LRP5: variants seen among roughly 807,000 people sequenced by gnomAD.
The protein encoded by LRP5 is low-density lipoprotein receptor-related protein 5.
Under a neutral mutation model 154.1 loss-of-function variants are expected in LRP5, and 62 were observed. The ratio of observed to expected loss-of-function variants is 0.40; its 90% confidence interval spans 0.33 to 0.50. The LOEUF is 0.50. Among genes scored for constraint, LRP5 ranks in the 20% least tolerant of loss-of-function variants. The pLI, the probability that LRP5 is intolerant of heterozygous loss-of-function variation, is 0.55. For missense variants in LRP5, 1,915 were observed against 2,336.7 expected, an observed-to-expected ratio of 0.82 and a Z score of 3.72; for synonymous variants, 966 against 1,011.5, an observed-to-expected ratio of 0.96 and a Z score of 0.85.
At chr11:68,324,231 G>A (rs1023604584) in intron 1 of LRP5, among the ~76,000 whole-genome samples, 11 of 152,260 alleles carry the variant, frequency 7.2e-5, no homozygotes, top group African/African-American at 2.4e-4. Context: ...GGCTGCGGGC[G>A]GAACAGCAGG....
At position 68,347,858 on chromosome 11, in the gene LRP5, C is replaced by T; in HGVS notation, c.103C>T (p.Leu35=). ...CTTCTGCCCCACAGCCTCGCCGCTC[C>T]TGCTATTTGCCAACCGCCGGGACGT... ...CPAPAAASPL[L]LFANRRDVRL... The change falls in exon 2 of 23, where the codon CTG becomes TTG. Residue 35 remains leucine (L), a synonymous_variant. Transcript: ENST00000294304. 1 of 1,613,506 alleles carries T rather than the reference C, an allele frequency of 6.2e-7. No homozygotes were observed. Among genetic ancestry groups the T allele is most frequent in the Non-Finnish European group, 8.5e-7 (1 of 1,180,012 alleles).
At chr11:68,340,061 C>T (rs537797057) in intron 1 of LRP5, among the ~76,000 whole-genome samples, 7 of 152,046 alleles carry the variant, frequency 4.6e-5, no homozygotes, top group African/African-American at 1.7e-4. Context: ...ACCAACATGG[C>T]AAAACCCCGT....
chr11:68,433,147 C>T (rs2098672892), intron 17 of LRP5, among the ~76,000 whole-genome samples: 1 of 152,216 alleles, frequency 6.6e-6, no homozygotes, highest in South Asian at 2.1e-4. Flanking sequence ...TGGCTGCTGA[C>T]CACCTGCTTT....
At chr11:68,354,926 G>A (rs779548487) in intron 2 of LRP5, among the ~76,000 whole-genome samples, 1 of 152,192 alleles carries the variant, frequency 6.6e-6, no homozygotes, top group Admixed American at 6.5e-5. Context: ...CTGTCCCCAC[G>A]GGGCCGGAGG....
At chr11:68,391,118 G>A (rs1204558733) in intron 7 of LRP5, among the ~76,000 whole-genome samples, 6 of 152,088 alleles carry the variant, frequency 3.9e-5, no homozygotes, top group African/African-American at 7.2e-5. Context: ...ACAAGTGCCC[G>A]CCACCACGCC....
Position 68,439,901 on chromosome 11 carries a change from C to T in LRP5, c.4473C>T (p.Ala1491=). 27 of 1,527,500 alleles carry T rather than the reference C, an allele frequency of 1.8e-5. No homozygotes were observed. The highest frequency in any genetic ancestry group is 2.4e-5 in the Non-Finnish European group (27 of 1,139,080). 94.6% of individuals were successfully genotyped at this position (1,527,500 alleles called of 1,614,324 possible). A position where few individuals can be genotyped will look rare whatever the true frequency, so the allele number is the denominator to read the frequency against. The change falls in exon 21 of 23, where the codon GCC becomes GCT. Residue 1491 remains alanine, a synonymous_variant. Coordinates refer to ENST00000294304, the MANE Select transcript of LRP5 (RefSeq NM_002335.4). Reference sequence around the variant, plus strand: ...CCAGCAGCTCGTCCAGCACGAAGGCCACGCTGTACCCGCCGGTGAGGGGCG... The same window carrying T: ...CCAGCAGCTCGTCCAGCACGAAGGCTACGCTGTACCCGCCGGTGAGGGGCG... ...ASSSSSSSTK[A]TLYPPILNPP... is the part of the protein sequence containing the mutation.
chr11:68,365,234 T>C (rs534867899), intron 4 of LRP5, among the ~76,000 whole-genome samples: 2 of 148,194 alleles, frequency 1.3e-5, no homozygotes, highest in East Asian at 4.0e-4. Flanking sequence ...CTGGGGAGGG[T>C]GTTCTAGTCA....
intron 6 of LRP5, among the ~76,000 whole-genome samples, chr11:68,387,658 C>T (rs1479036483): frequency 2.0e-5 from 3 of 152,172 alleles, no homozygotes; most frequent in Non-Finnish European, 4.4e-5. Flanking sequence ...CCCGCCCCAG[C>T]GGCTCAGAGG....
At chr11:68,363,581 C>T (rs1163837286) in intron 3 of LRP5, among the ~76,000 whole-genome samples, 166 bp from the exon 4 acceptor site, 2 of 151,664 alleles carry the variant, frequency 1.3e-5, no homozygotes, top group Non-Finnish European at 2.9e-5. Flanking sequence ...TGCTTGAACC[C>T]GGGAGGCGGA....
chr11:68,310,724 C>T (rs2098587173), upstream of LRP5, among the ~76,000 whole-genome samples: 1 of 145,098 alleles, frequency 6.9e-6, no homozygotes, highest in South Asian at 2.2e-4. Context: ...CACTACACTC[C>T]AGCCTGGGCC....
intron 1 of LRP5, among the ~76,000 whole-genome samples, chr11:68,324,714 C>T (rs1477317999): frequency 6.6e-6 from 1 of 152,260 alleles, no homozygotes; most frequent in Admixed American, 6.5e-5. Flanking sequence ...TGCCCACTGG[C>T]AGAGCAGAGG....
chr11:68,327,502 C>T (rs2098600402), intron 1 of LRP5, among the ~76,000 whole-genome samples: 1 of 151,896 alleles, frequency 6.6e-6, no homozygotes, highest in African/African-American at 2.4e-5. Context: ...CCTTAGGCAG[C>T]ATGAAAACAA....
chr11:68,448,495 A>C (rs2098682640), intron 22 of LRP5, among the ~76,000 whole-genome samples: 1 of 152,238 alleles, frequency 6.6e-6, no homozygotes, highest in Non-Finnish European at 1.5e-5. Flanking sequence ...CGAAGAGGTC[A>C]AGTAAGTTCC....
chr11:68,310,119 A>G (rs758929513), upstream of LRP5, among the ~76,000 whole-genome samples: 1 of 152,222 alleles, frequency 6.6e-6, no homozygotes, highest in Non-Finnish European at 1.5e-5. Context: ...TGATGAGTAC[A>G]AAGGAGAAAA....
At chr11:68,317,821 G>A (rs932402103) in intron 1 of LRP5, among the ~76,000 whole-genome samples, 1 of 152,090 alleles carries the variant, frequency 6.6e-6, no homozygotes, top group Non-Finnish European at 1.5e-5. Flanking sequence ...TCTCTCAGTG[G>A]CAAGAGCCTT....
At chr11:68,398,693 T>C (rs1270546040) in intron 7 of LRP5, among the ~76,000 whole-genome samples, 1 of 151,018 alleles carries the variant, frequency 6.6e-6, no homozygotes, top group East Asian at 1.9e-4. Context: ...GAAAATTATA[T>C]GGAATTCAAA....
the LRP5 span, among the ~76,000 whole-genome samples, chr11:68,306,729 T>C: frequency 3.3e-5 from 5 of 152,228 alleles, no homozygotes; most frequent in African/African-American, 4.8e-5. Flanking sequence ...CCAGACTACT[T>C]AGTTTTATTT....
chr11:68,426,202 G>A lies in LRP5; in HGVS notation c.3637+15G>A. ...GGAGGAGTTCTGTACGTGGGGGCTG[G>A]CAGTGGGGTGGGCAGGGTGGCCTCT... On this transcript the variant is annotated intron_variant, in intron 16 of 22. Coordinates refer to ENST00000294304, the MANE Select transcript of LRP5 (RefSeq NM_002335.4). The A allele has an allele frequency of 6.2e-7, 1 of 1,606,480 alleles. No homozygotes were observed.
At chr11:68,333,251 C>G (rs946215747) in intron 1 of LRP5, among the ~76,000 whole-genome samples, 3 of 152,188 alleles carry the variant, frequency 2.0e-5, no homozygotes, top group Non-Finnish European at 2.9e-5. Context: ...AAAAGCGAGC[C>G]TGGGTGTTTC....
Sources: gnomAD v4.1 joint callset for allele counts (sites outside exome capture counted in the v4.1 genomes callset) on GRCh38, gnomAD v4.1.1 for gene constraint, MANE v1.5 for transcripts, NCBI Gene and HGNC (gene_info 2026-07-23, HGNC 2026-07-21) for gene names.